TNFAIP8: variants seen among roughly 807,000 people sequenced by gnomAD.
TNFAIP8 encodes tumor necrosis factor alpha-induced protein 8.
TNFAIP8 carries 7 observed loss-of-function variants against 13.3 expected under a neutral mutation model. The ratio of observed to expected loss-of-function variants is 0.52; its 90% confidence interval spans 0.30 to 0.99. The LOEUF is 0.99. TNFAIP8 is among the 50% of genes least tolerant of loss of function. The probability of loss-of-function intolerance (pLI) is 0.07; values close to 1 mark genes in which losing one functional copy is unlikely to be tolerated. For synonymous variants in TNFAIP8, 94 were observed against 87.6 expected, an observed-to-expected ratio of 1.07 and a Z score of -0.41; for missense variants, 258 against 236.9, an observed-to-expected ratio of 1.09 and a Z score of -0.58.
At chr5:119,346,332 T>C (rs1020204218) in intron 1 of TNFAIP8, among the ~76,000 whole-genome samples, 18 of 152,096 alleles carry the variant, frequency 1.2e-4, no homozygotes, top group Non-Finnish European at 2.6e-4. Context: ...CTAGGAGCCA[T>C]GCGTGTTTGC....
Position 119,398,349 on chromosome 5 carries a change from G to A in TNFAIP8, c.*4968G>A, listed in dbSNP as rs942578101. The A allele has an allele frequency of 2.6e-5, 4 of 152,152 alleles. No homozygotes were observed. In the East Asian group the frequency reaches 7.7e-4, roughly 29 times the overall value. The allele number at this position is 152,152 out of a possible 1,614,324, so 9.4% of individuals were successfully genotyped here. A position where few individuals can be genotyped will look rare whatever the true frequency, so the allele number is the denominator to read the frequency against. On this transcript the variant is annotated 3_prime_UTR_variant, in exon 2 of 2. Transcript: ENST00000504771. ...AGACAATATGTTTCTTTCTACTTTG[G>A]TTTTTCCATTCAAAAGCTTACAGAT...
At chr5:119,370,062 G>T (rs1752015273) in intron 1 of TNFAIP8, among the ~76,000 whole-genome samples, 1 of 152,114 alleles carries the variant, frequency 6.6e-6, no homozygotes, top group Admixed American at 6.5e-5. Flanking sequence ...GAATGTTTTA[G>T]GTAACCCTTG....
intron 1 of TNFAIP8, among the ~76,000 whole-genome samples, chr5:119,361,372 A>G (rs139614151): frequency 9.3e-4 from 142 of 152,324 alleles, no homozygotes; most frequent in Admixed American, 2.2e-3. Context: ...TAAATTGCCT[A>G]AGGGAGTGCT....
intron 1 of TNFAIP8, among the ~76,000 whole-genome samples, chr5:119,294,389 T>A (rs1581578291): frequency 6.6e-6 from 1 of 152,358 alleles, no homozygotes; most frequent in Admixed American, 6.5e-5. Context: ...TCATTTTTTA[T>A]GGCTGCATAG....
At chr5:119,323,885 T>A (rs1750135094) in intron 1 of TNFAIP8, among the ~76,000 whole-genome samples, 1 of 152,204 alleles carries the variant, frequency 6.6e-6, no homozygotes. Context: ...TTGTCTAGAA[T>A]GTTTGTTAAA....
chr5:119,284,656 G>C (rs888921051), intron 1 of TNFAIP8, among the ~76,000 whole-genome samples: 1 of 151,986 alleles, frequency 6.6e-6, no homozygotes, highest in Admixed American at 6.6e-5. Flanking sequence ...ACTCCAGCCT[G>C]GGTGACAGAG....
intron 1 of TNFAIP8, among the ~76,000 whole-genome samples, chr5:119,350,299 C>T (rs996495923): frequency 3.3e-5 from 5 of 152,120 alleles, no homozygotes; most frequent in Non-Finnish European, 5.9e-5. Context: ...GCTATGTAGC[C>T]ATTGTATTAG....
intron 1 of TNFAIP8, among the ~76,000 whole-genome samples, chr5:119,364,750 C>T (rs971238748): frequency 6.6e-6 from 1 of 151,622 alleles, no homozygotes; most frequent in African/African-American, 2.4e-5. Flanking sequence ...CAGTATCACA[C>T]AGCTCTTCAT....
At chr5:119,359,877 A>T (rs528704205) in intron 1 of TNFAIP8, among the ~76,000 whole-genome samples, 30 of 152,354 alleles carry the variant, frequency 2.0e-4, no homozygotes, top group African/African-American at 7.0e-4. Flanking sequence ...ATATGCTCTT[A>T]AACACCGGAC....
intron 1 of TNFAIP8, among the ~76,000 whole-genome samples, chr5:119,316,533 A>T (rs1385645993): frequency 6.6e-6 from 1 of 152,134 alleles, no homozygotes; most frequent in Non-Finnish European, 1.5e-5. Flanking sequence ...GTGTGGAGAG[A>T]TACAATGCAT....
chr5:119,293,166 A>G (rs1299093104), intron 1 of TNFAIP8, among the ~76,000 whole-genome samples: 4 of 152,164 alleles, frequency 2.6e-5, no homozygotes, highest in Non-Finnish European at 5.9e-5. Flanking sequence ...CAAGCCATTT[A>G]ACACATGCAT....
At chr5:119,318,126 C>T (rs1749951820) in intron 1 of TNFAIP8, among the ~76,000 whole-genome samples, 1 of 152,092 alleles carries the variant, frequency 6.6e-6, no homozygotes, top group African/African-American at 2.4e-5. Flanking sequence ...CTGTTTTCTT[C>T]CCCAAAACTG....
intron 1 of TNFAIP8, among the ~76,000 whole-genome samples, chr5:119,286,492 G>A (rs1748803092): frequency 6.6e-6 from 1 of 151,944 alleles, no homozygotes; most frequent in Non-Finnish European, 1.5e-5. Context: ...CATAGTGGCG[G>A]GCGCCTGTAA....
rs1753065122 is a variant in TNFAIP8, at chr5:119,396,051, AC to A, written c.*2672del. ...CTCATTTAATTCTGCCACAATCTTCACCATCTTATAGATAAGGAAACTAGGG... is the reference window on the plus strand; with the variant it reads ...CTCATTTAATTCTGCCACAATCTTCACATCTTATAGATAAGGAAACTAGGG... On this transcript the variant is annotated 3_prime_UTR_variant, in exon 2 of 2. Coordinates refer to ENST00000504771, the MANE Select transcript of TNFAIP8 (RefSeq NM_014350.4). 1 of 152,200 alleles carries A rather than the reference AC, an allele frequency of 6.6e-6. No homozygotes were observed. Among genetic ancestry groups the A allele is most frequent in the Non-Finnish European group, 1.5e-5 (1 of 68,036 alleles). The allele number at this position is 152,200 out of a possible 1,614,324, so 9.4% of individuals were successfully genotyped here.
chr5:119,376,181 C>G (rs937035623), intron 1 of TNFAIP8, among the ~76,000 whole-genome samples: 6 of 151,354 alleles, frequency 4.0e-5, no homozygotes, highest in African/African-American at 1.5e-4. Context: ...GTGGTGCAAT[C>G]TCGGCTCACT....
At chr5:119,319,488 G>A (rs1749992463) in intron 1 of TNFAIP8, among the ~76,000 whole-genome samples, 1 of 152,162 alleles carries the variant, frequency 6.6e-6, no homozygotes, top group African/African-American at 2.4e-5. Flanking sequence ...TCTCCTATCT[G>A]AGAGTCTGAG....
chr5:119,322,838 G>C (rs1420203362), intron 1 of TNFAIP8, among the ~76,000 whole-genome samples: 1 of 152,100 alleles, frequency 6.6e-6, no homozygotes, highest in Non-Finnish European at 1.5e-5. Flanking sequence ...TTACATTCCA[G>C]GCCCAAGCTC....
At chr5:119,367,206 C>A (rs1205181957) in intron 1 of TNFAIP8, among the ~76,000 whole-genome samples, 1 of 152,180 alleles carries the variant, frequency 6.6e-6, no homozygotes, top group African/African-American at 2.4e-5. Context: ...TTGTTTTAGT[C>A]CTCTGCATTT....
chr5:119,325,165 C>T (rs891597030), intron 1 of TNFAIP8, among the ~76,000 whole-genome samples: 5 of 152,336 alleles, frequency 3.3e-5, no homozygotes, highest in Middle Eastern at 3.4e-3. Flanking sequence ...TAGTTAGGCT[C>T]TAAAAGTTTT....
Sources: allele counts gnomAD v4.1 joint callset (sites outside exome capture counted in the v4.1 genomes callset), GRCh38; gene constraint gnomAD v4.1.1; transcripts MANE v1.5; gene names NCBI Gene and HGNC (gene_info 2026-07-23, HGNC 2026-07-21).